The following ZBTB7C variants were observed in gnomAD, a reference collection of about 807,000 sequenced individuals.
ZBTB7C encodes zinc finger and BTB domain containing 7C, also known as zinc finger and BTB domain-containing protein 7C.
In ZBTB7C, 8 loss-of-function variants were observed where a neutral mutation model predicts 25.7. The observed-to-expected ratio is 0.31, with a 90% CI of 0.18 to 0.56. ZBTB7C has a LOEUF of 0.56. ZBTB7C is among the 20% of genes least tolerant of loss of function. The pLI is 0.91. For synonymous variants in ZBTB7C, 394 were observed against 369.0 expected (o/e 1.07, Z -0.78); for missense variants, 824 against 855.2 (o/e 0.96, Z 0.46).
chr18:48,203,906 G>T (rs750079667), intron 2 of ZBTB7C, among the ~76,000 whole-genome samples: 1 of 152,174 alleles, frequency 6.6e-6, no homozygotes, highest in Non-Finnish European at 1.5e-5. Context: ...GCTCTGAAGA[G>T]GGGGTGTCTC....
chr18:48,365,593 G>T (rs1434051741), intron 1 of ZBTB7C, among the ~76,000 whole-genome samples: 2 of 152,076 alleles, frequency 1.3e-5, no homozygotes, highest in African/African-American at 4.8e-5. Flanking sequence ...TCCCCACTTG[G>T]GCCTCCAGAT....
At position 48,075,602 on chromosome 18, in the gene ZBTB7C, G is replaced by T. The variant is rs2037732768; in HGVS notation, c.-16-34479C>A. ...CCTCCTGCCTCCCCACTCCCAGGAT[G>T]GCATCTGGAGGCTTCCCCTGCAGCT... On this transcript the variant is annotated intron_variant, in intron 3 of 4. Transcript: ENST00000590800. Among the ~76,000 whole-genome samples, 4 of 152,268 alleles carry T rather than the reference G, an allele frequency of 2.6e-5. No homozygotes were observed. In the South Asian group the frequency reaches 8.3e-4, roughly 32 times the overall value.
intron 2 of ZBTB7C, among the ~76,000 whole-genome samples, chr18:48,189,482 G>A (rs183877302): frequency 1.6e-4 from 24 of 152,164 alleles, no homozygotes; most frequent in Middle Eastern, 3.4e-3. Context: ...GACAAGCCTC[G>A]TCCCCTCTGT....
chr18:48,352,282 A>G (rs1468821851), intron 1 of ZBTB7C, among the ~76,000 whole-genome samples: 2 of 152,234 alleles, frequency 1.3e-5, no homozygotes, highest in South Asian at 2.1e-4. Flanking sequence ...ACCTGAGCTC[A>G]GGGAACAGAG....
chr18:48,100,988 A>G (rs904717288), intron 3 of ZBTB7C, among the ~76,000 whole-genome samples: 17 of 152,066 alleles, frequency 1.1e-4, no homozygotes, highest in Non-Finnish European at 2.9e-5. Flanking sequence ...CTCCTCGTGC[A>G]TCACTACACA....
At chr18:48,238,287 T>G (rs1022909529) in intron 2 of ZBTB7C, among the ~76,000 whole-genome samples, 1 of 152,246 alleles carries the variant, frequency 6.6e-6, no homozygotes, top group Admixed American at 6.5e-5. Flanking sequence ...GAGGTAGGAC[T>G]GACTTGCAGC....
intron 3 of ZBTB7C, chr18:48,072,715 C>T (rs935612877): frequency 6.6e-6 from 1 of 152,228 alleles, no homozygotes; most frequent in Non-Finnish European, 1.5e-5. Context: ...GATGCTTTTC[C>T]CATTGCTCCT....
In ZBTB7C at chr18:48,389,220, C is replaced by CG. The variant is rs1568418128; in HGVS notation, c.-304+20005_-304+20006insC. The stretch of plus-strand genomic sequence containing the variant: ...TCTCTCTCTCTCTCTCTCTCTCTCT[C>CG]TCTCTCTCTCTCTCTCGTGTGTGTG... On this transcript the variant is annotated intron_variant, in intron 1 of 4. Transcript: ENST00000590800. 5.1e-4 allele frequency among the ~76,000 whole-genome samples: 65 copies of CG among 126,950 alleles called. 1 individual carries two copies. The highest frequency in any genetic ancestry group is 1.5e-3 in the African/African-American group (48 of 32,414). The allele number at this position is 126,950 out of a possible 152,430, so 83.3% of individuals were successfully genotyped here.
intron 2 of ZBTB7C, among the ~76,000 whole-genome samples, chr18:48,327,447 T>C (rs140696539): frequency 0.015 from 2,243 of 152,276 alleles, 49 homozygotes; most frequent in African/African-American, 0.05. Flanking sequence ...AGTCAGGAGA[T>C]AGGAGTTCCA....
intron 2 of ZBTB7C, among the ~76,000 whole-genome samples, chr18:48,255,254 C>T (rs1243821137): frequency 6.6e-6 from 1 of 152,122 alleles, no homozygotes; most frequent in African/African-American, 2.4e-5. Context: ...TGACCCAGAA[C>T]TTACAATTAG....
At chr18:48,332,256 A>T (rs1345517909) in intron 2 of ZBTB7C, among the ~76,000 whole-genome samples, 1 of 152,200 alleles carries the variant, frequency 6.6e-6, no homozygotes, top group Non-Finnish European at 1.5e-5. Context: ...TGGTCCTGGG[A>T]AGCTCCCCAC....
At chr18:48,320,471 G>T (rs1202830496) in intron 2 of ZBTB7C, among the ~76,000 whole-genome samples, 1 of 152,312 alleles carries the variant, frequency 6.6e-6, no homozygotes, top group East Asian at 1.9e-4. Flanking sequence ...GGCAGAGGCT[G>T]GGAGGCCAAT....
chr18:48,055,234 AC>A (rs1424577197), intron 3 of ZBTB7C, among the ~76,000 whole-genome samples: 1 of 151,596 alleles, frequency 6.6e-6, no homozygotes, highest in Non-Finnish European at 1.5e-5. Flanking sequence ...TCATGGTGAA[AC>A]CCCATCTCTA....
chr18:48,205,560 T>A (rs1339871610), intron 2 of ZBTB7C, among the ~76,000 whole-genome samples: 1 of 152,044 alleles, frequency 6.6e-6, no homozygotes, highest in Non-Finnish European at 1.5e-5. Context: ...ATCTTAACAC[T>A]ATTGATTCTT....
At chr18:48,218,316 C>A (rs2042873270) in intron 2 of ZBTB7C, among the ~76,000 whole-genome samples, 1 of 152,240 alleles carries the variant, frequency 6.6e-6, no homozygotes, top group Non-Finnish European at 1.5e-5. Context: ...GACTGTGCCT[C>A]TGCTGGCTCG....
intron 3 of ZBTB7C, among the ~76,000 whole-genome samples, chr18:48,152,602 T>C (rs1426607481): frequency 6.6e-6 from 1 of 152,224 alleles, no homozygotes; most frequent in Non-Finnish European, 1.5e-5. Context: ...AAGGAGATCA[T>C]GGAGCTGGGA....
intron 2 of ZBTB7C, among the ~76,000 whole-genome samples, chr18:48,254,091 T>C (rs996953648): frequency 6.6e-6 from 1 of 152,252 alleles, no homozygotes; most frequent in Admixed American, 6.5e-5. Flanking sequence ...AAATTACTTA[T>C]GCAGATAGTG....
intron 3 of ZBTB7C, among the ~76,000 whole-genome samples, chr18:48,154,268 A>C (rs752055800): frequency 2.0e-5 from 3 of 152,206 alleles, no homozygotes; most frequent in Non-Finnish European, 4.4e-5. Flanking sequence ...TCAAGGCAGG[A>C]GGAAGCAGTC....
intron 2 of ZBTB7C, among the ~76,000 whole-genome samples, chr18:48,246,227 T>C (rs930712495): frequency 6.6e-6 from 1 of 151,568 alleles, no homozygotes; most frequent in Non-Finnish European, 1.5e-5. Flanking sequence ...CTGAGGCGGG[T>C]GGATCACAAG....
Sources: allele counts gnomAD v4.1 joint callset (sites outside exome capture counted in the v4.1 genomes callset), GRCh38; gene constraint gnomAD v4.1.1; transcripts MANE v1.5; gene names NCBI Gene and HGNC (gene_info 2026-07-23, HGNC 2026-07-21).